The following RAB3GAP2 variants were observed in gnomAD, a reference collection of about 807,000 sequenced individuals.
RAB3GAP2 encodes the protein RAB3 GTPase activating non-catalytic protein subunit 2.
RAB3GAP2 carries 87 observed loss-of-function variants against 185.3 expected under a neutral mutation model. The observed-to-expected ratio is 0.47, with a 90% CI of 0.39 to 0.56. The LOEUF is 0.56. Ranked by LOEUF, RAB3GAP2 falls within the 20% of genes least tolerant of loss-of-function variation. The pLI is 0.00. For missense variants in RAB3GAP2, 1,492 were observed against 1,638.2 expected, an observed-to-expected ratio of 0.91 and a Z score of 1.54; for synonymous variants, 554 against 576.1, an observed-to-expected ratio of 0.96 and a Z score of 0.55.
chr1:220,191,325 G>A, intron 13 of RAB3GAP2, 41 bp from the exon 14 acceptor site: 1 of 1,180,552 alleles, frequency 8.5e-7, no homozygotes. Flanking sequence ...ACTTAATCTA[G>A]GTTCCATAGT....
At chr1:220,268,491 C>T (rs1660271887) in intron 1 of RAB3GAP2, among the ~76,000 whole-genome samples, 1 of 152,194 alleles carries the variant, frequency 6.6e-6, no homozygotes, top group Non-Finnish European at 1.5e-5. Context: ...CATTGTATCA[C>T]TAGCTCTGGA....
At chr1:220,214,766 T>G (rs888180608) in intron 2 of RAB3GAP2, among the ~76,000 whole-genome samples, 3 of 151,570 alleles carry the variant, frequency 2.0e-5, no homozygotes, top group African/African-American at 7.3e-5. Flanking sequence ...TAAATCCCCA[T>G]GGTTAAAAAT....
At chr1:220,246,063 T>A (rs1343791674) in intron 1 of RAB3GAP2, among the ~76,000 whole-genome samples, 1 of 151,760 alleles carries the variant, frequency 6.6e-6, no homozygotes, top group Admixed American at 6.6e-5. Context: ...TACAGTGAAC[T>A]CAAACAAATT....
At chr1:220,206,876 A>C (rs145983973) in intron 7 of RAB3GAP2, among the ~76,000 whole-genome samples, 1 of 152,276 alleles carries the variant, frequency 6.6e-6, no homozygotes, top group African/African-American at 2.4e-5. Context: ...CCTCCATCTC[A>C]AACAACATAC....
Position 220,191,112 on chromosome 1 carries a change from C to G in RAB3GAP2, c.1443G>C (p.Gln481His), listed in dbSNP as rs745969899. ...RRGILEVWSTQQGPRVGAFNV... is the reference protein window; with the variant it reads ...RRGILEVWSTHQGPRVGAFNV... ...TGAAAGCTCCTACTCTAGGTCCCTG[C>G]TGTGTGCTCCACACTTCTAAAATTC... The change falls in exon 14 of 35, where the codon CAG (glutamine) becomes CAC (histidine). Residue 481 changes from glutamine to histidine, a missense_variant. Around this residue, in one of 5 missense-constraint regions of RAB3GAP2, gnomAD observed 681 missense variants for 689.1 expected, o/e 0.99. Coordinates refer to ENST00000358951, the MANE Select transcript of RAB3GAP2 (RefSeq NM_012414.4). 6.2e-7 allele frequency: 1 copy of G among 1,613,932 alleles called. No homozygotes were observed. Among genetic ancestry groups the G allele is most frequent in the African/African-American group, 1.3e-5 (1 of 74,910 alleles).
At chr1:220,166,923 G>A (rs1658079290) in intron 26 of RAB3GAP2, among the ~76,000 whole-genome samples, 1 of 152,134 alleles carries the variant, frequency 6.6e-6, no homozygotes, top group South Asian at 2.1e-4. Context: ...AATTCAGAAG[G>A]AAATAAACAA....
chr1:220,253,119 C>A (rs560478210), intron 1 of RAB3GAP2, among the ~76,000 whole-genome samples: 1 of 152,302 alleles, frequency 6.6e-6, no homozygotes, highest in South Asian at 2.1e-4. Flanking sequence ...GAAGGTTCCC[C>A]AACAATGAAG....
intron 26 of RAB3GAP2, among the ~76,000 whole-genome samples, chr1:220,166,137 G>A (rs2808027): frequency 0.087 from 13,166 of 152,192 alleles, 1,297 homozygotes; most frequent in African/African-American, 0.23. Context: ...AGGGCATTAA[G>A]AGGATTCCTC....
intron 21 of RAB3GAP2, among the ~76,000 whole-genome samples, chr1:220,181,230 T>G (rs1012448198): frequency 6.6e-6 from 1 of 152,200 alleles, no homozygotes; most frequent in Non-Finnish European, 1.5e-5. Flanking sequence ...CAAGGGATCC[T>G]CATGCCTCAG....
intron 1 of RAB3GAP2, among the ~76,000 whole-genome samples, chr1:220,242,786 T>C (rs1659720108): frequency 6.6e-6 from 1 of 152,188 alleles, no homozygotes; most frequent in Non-Finnish European, 1.5e-5. Flanking sequence ...TAATCATCTA[T>C]TTTTCCAAAC....
chr1:220,211,672 C>A (rs1659087647), intron 4 of RAB3GAP2, among the ~76,000 whole-genome samples: 2 of 152,094 alleles, frequency 1.3e-5, no homozygotes, highest in African/African-American at 4.8e-5. Context: ...CAACTCCTAC[C>A]CACTGACTTT....
At chr1:220,201,796 A>G (rs1658864995) in intron 9 of RAB3GAP2, among the ~76,000 whole-genome samples, 1 of 152,000 alleles carries the variant, frequency 6.6e-6, no homozygotes, top group African/African-American at 2.4e-5. Flanking sequence ...CATCATGCCC[A>G]GTTTTAAAGA....
At chr1:220,154,273 C>A (rs567798660) in intron 31 of RAB3GAP2, 29 of 567,352 alleles carry the variant, frequency 5.1e-5, no homozygotes, top group Non-Finnish European at 8.3e-5. Context: ...ATTCGTGTTT[C>A]CTATAGTCTC....
chr1:220,185,307 T>C (rs190993832), intron 18 of RAB3GAP2, among the ~76,000 whole-genome samples: 2 of 152,180 alleles, frequency 1.3e-5, no homozygotes, highest in African/African-American at 2.4e-5. Context: ...TGATTGTTGA[T>C]TGTGATTCTG....
chr1:220,152,985 G>A (rs988607689), intron 33 of RAB3GAP2, among the ~76,000 whole-genome samples, 200 bp downstream of exon 33: 15 of 152,164 alleles, frequency 9.9e-5, no homozygotes, highest in Admixed American at 5.2e-4. Context: ...ATCCCTGTGC[G>A]TAGGGCAGGC....
intron 9 of RAB3GAP2, among the ~76,000 whole-genome samples, chr1:220,201,517 T>C (rs1005087350): frequency 2.0e-5 from 3 of 152,162 alleles, no homozygotes; most frequent in Non-Finnish European, 4.4e-5. Flanking sequence ...TTTGCTTTCT[T>C]GAGACAGAGT....
intron 10 of RAB3GAP2, 131 bp from the exon 11 acceptor site, chr1:220,195,508 G>C (rs776156297): frequency 6.1e-6 from 5 of 825,264 alleles, no homozygotes; most frequent in Non-Finnish European, 8.1e-6. Flanking sequence ...GCTTCTTTCA[G>C]AGTACAGTAA....
chr1:220,172,393 T>C (rs950350407), intron 22 of RAB3GAP2, among the ~76,000 whole-genome samples: 1 of 149,352 alleles, frequency 6.7e-6, no homozygotes, highest in Non-Finnish European at 1.5e-5. Context: ...TTTGCCTTAC[T>C]GAGTTAAGAT....
intron 2 of RAB3GAP2, among the ~76,000 whole-genome samples, chr1:220,226,113 T>G (rs1659397877): frequency 6.6e-6 from 1 of 152,172 alleles, no homozygotes; most frequent in African/African-American, 2.4e-5. Context: ...CTGCCTACCT[T>G]AACTGAAGAC....
Sources: allele counts gnomAD v4.1 joint callset (sites outside exome capture counted in the v4.1 genomes callset), GRCh38; gene constraint gnomAD v4.1.1; regional missense constraint gnomAD v4.1.1; transcripts MANE v1.5; gene names NCBI Gene and HGNC (gene_info 2026-07-23, HGNC 2026-07-21).